The following ROBO2 variants were observed in gnomAD, a reference collection of about 807,000 sequenced individuals.
The protein encoded by ROBO2 is roundabout homolog 2.
In ROBO2, 53 loss-of-function variants were observed where a neutral mutation model predicts 160.8. The observed-to-expected ratio is 0.33, with a 90% confidence interval of 0.26 to 0.41. The LOEUF is 0.41. ROBO2 is among the 10% of genes least tolerant of loss of function. The probability of loss-of-function intolerance (pLI) is 1.00; values close to 1 mark genes in which losing one functional copy is unlikely to be tolerated. For synonymous variants in ROBO2, 664 were observed against 611.7 expected (o/e 1.09, Z -1.26); for missense variants, 1,577 against 1,722.4 (o/e 0.92, Z 1.49).
intron 2 of ROBO2, among the ~76,000 whole-genome samples, chr3:76,320,373 C>G (rs530092790): frequency 1.1e-3 from 169 of 152,200 alleles, no homozygotes; most frequent in African/African-American, 3.9e-3. Context: ...ATTTACAGCT[C>G]TTTGTATTTT....
chr3:76,191,163 C>T (rs534712054), intron 2 of ROBO2, among the ~76,000 whole-genome samples: 4 of 152,214 alleles, frequency 2.6e-5, no homozygotes, highest in Admixed American at 2.6e-4. Context: ...GATCTTGCTA[C>T]ACATGATTAA....
intron 2 of ROBO2, among the ~76,000 whole-genome samples, chr3:76,676,447 G>C (rs1249527016): frequency 1.3e-5 from 2 of 152,094 alleles, no homozygotes; most frequent in Non-Finnish European, 2.9e-5. Context: ...GCCTCTTCTT[G>C]GGCAGTTCTT....
At chr3:77,416,716 CAAA>C (rs61204363) in intron 2 of ROBO2, among the ~76,000 whole-genome samples, 72 of 90,006 alleles carry the variant, frequency 8.0e-4, no homozygotes, top group African/African-American at 1.6e-3. Flanking sequence ...GATTCCATCT[CAAA>C]AAAAAAAAAA....
intron 2 of ROBO2, among the ~76,000 whole-genome samples, chr3:77,206,079 T>C (rs1389518515): frequency 6.6e-6 from 1 of 152,158 alleles, no homozygotes; most frequent in East Asian, 1.9e-4. Context: ...GTAACTCCGG[T>C]CTCTGCCTTC....
intron 2 of ROBO2, among the ~76,000 whole-genome samples, chr3:77,314,844 G>A (rs555951879): frequency 6.6e-6 from 1 of 152,266 alleles, no homozygotes; most frequent in East Asian, 1.9e-4. Context: ...CTGCTGTAGG[G>A]AATGTGGGTA....
intron 2 of ROBO2, among the ~76,000 whole-genome samples, chr3:76,293,461 T>TA (rs1293366918): frequency 6.6e-6 from 1 of 151,976 alleles, no homozygotes; most frequent in Non-Finnish European, 1.5e-5. Flanking sequence ...GAAAAGGTGT[T>TA]ACACACAAGA....
At chr3:76,940,331 G>A (rs2078094930) in intron 2 of ROBO2, among the ~76,000 whole-genome samples, 1 of 152,106 alleles carries the variant, frequency 6.6e-6, no homozygotes, top group Admixed American at 6.6e-5. Flanking sequence ...AGACTTTTAA[G>A]TGTTTGTGAT....
At chr3:76,727,604 A>G (rs960969418) in intron 2 of ROBO2, among the ~76,000 whole-genome samples, 2 of 152,188 alleles carry the variant, frequency 1.3e-5, no homozygotes, top group Admixed American at 6.5e-5. Flanking sequence ...AACAAGGCGC[A>G]TGGAACTGGA....
rs1252448006 is a variant in ROBO2, at chr3:76,555,416, AGAAAGAAGG to A, written c.110-542597_110-542589del. On this transcript the variant is annotated intron_variant, in intron 2 of 26. Transcript: ENST00000487694. ...AAGAAGAAGAAGAAGAAGAAGAAGA[AGAAAGAAGG>A]AGAAGGGGAAGGGGAAGAGGAAGAG... Among the ~76,000 whole-genome samples the A allele has an allele frequency of 1.4e-3, 81 of 56,816 alleles. 1 individual carries two copies. Among genetic ancestry groups the A allele is most frequent in the Middle Eastern group, 0.012 (1 of 82 alleles). The allele number at this position is 56,816 out of a possible 152,430, so 37.3% of individuals were successfully genotyped here. A position where few individuals can be genotyped will look rare whatever the true frequency, so the allele number is the denominator to read the frequency against.
At chr3:77,479,843 G>C (rs950894386) in intron 3 of ROBO2, among the ~76,000 whole-genome samples, 1 of 152,066 alleles carries the variant, frequency 6.6e-6, no homozygotes, top group African/African-American at 2.4e-5. Flanking sequence ...CCCTCCTTAT[G>C]ATCTCTAATT....
chr3:76,654,361 A>C (rs1253120614), intron 2 of ROBO2, among the ~76,000 whole-genome samples: 1 of 152,194 alleles, frequency 6.6e-6, no homozygotes, highest in Non-Finnish European at 1.5e-5. Context: ...TTTATAAATG[A>C]TGAAAAAAAC....
At chr3:77,443,572 T>C (rs1045876298) in intron 2 of ROBO2, among the ~76,000 whole-genome samples, 4 of 152,160 alleles carry the variant, frequency 2.6e-5, no homozygotes, top group African/African-American at 9.7e-5. Flanking sequence ...GTTTTAGAGG[T>C]AGACAATTCT....
chr3:76,899,383 C>T (rs893981187), intron 2 of ROBO2, among the ~76,000 whole-genome samples: 5 of 152,040 alleles, frequency 3.3e-5, no homozygotes, highest in Admixed American at 6.6e-5. Context: ...AACAATACAA[C>T]GGAGGTAAAA....
intron 2 of ROBO2, among the ~76,000 whole-genome samples, chr3:76,808,070 T>G (rs1031248651): frequency 2.6e-5 from 4 of 152,110 alleles, no homozygotes; most frequent in Non-Finnish European, 5.9e-5. Flanking sequence ...ATCTGAATTA[T>G]AATAAATATA....
chr3:76,736,730 G>C (rs1259358455), intron 2 of ROBO2, among the ~76,000 whole-genome samples: 1 of 152,104 alleles, frequency 6.6e-6, no homozygotes, highest in Non-Finnish European at 1.5e-5. Flanking sequence ...TTACCTAAAG[G>C]TATGATCTAA....
chr3:77,207,571 A>G (rs571014738), intron 2 of ROBO2, among the ~76,000 whole-genome samples: 19 of 152,360 alleles, frequency 1.2e-4, no homozygotes, highest in African/African-American at 2.9e-4. Context: ...TCATTTTTAG[A>G]TAAAAGTTAA....
intron 2 of ROBO2, among the ~76,000 whole-genome samples, chr3:77,397,370 A>G (rs886476953): frequency 3.9e-5 from 6 of 152,310 alleles, no homozygotes; most frequent in Non-Finnish European, 7.4e-5. Flanking sequence ...CCTGACAGCA[A>G]TAATCAGAGA....
At chr3:77,194,072 A>G (rs1241803193) in intron 2 of ROBO2, among the ~76,000 whole-genome samples, 2 of 152,200 alleles carry the variant, frequency 1.3e-5, no homozygotes, top group Non-Finnish European at 2.9e-5. Flanking sequence ...ACAGTTGATG[A>G]CAGACACCAA....
chr3:77,339,885 C>G (rs990740804), intron 2 of ROBO2, among the ~76,000 whole-genome samples: 1 of 152,034 alleles, frequency 6.6e-6, no homozygotes, highest in African/African-American at 2.4e-5. Flanking sequence ...GCCCTGCTGG[C>G]AAAATTTTTC....
Sources: allele counts gnomAD v4.1 joint callset (sites outside exome capture counted in the v4.1 genomes callset), GRCh38; gene constraint gnomAD v4.1.1; transcripts MANE v1.5; gene names NCBI Gene and HGNC (gene_info 2026-07-23, HGNC 2026-07-21).